Variants in ANP32B observed in about 807,000 individuals in gnomAD.
ANP32B encodes the protein acidic nuclear phosphoprotein 32 family member B.
In ANP32B, 6 loss-of-function variants were observed where a neutral mutation model predicts 32.2. The observed-to-expected ratio is 0.19, with a 90% CI of 0.10 to 0.37. ANP32B has a LOEUF of 0.37. Ranked by LOEUF, ANP32B falls within the 10% of genes least tolerant of loss-of-function variation. The probability of loss-of-function intolerance (pLI) is 1.00; values close to 1 mark genes in which losing one functional copy is unlikely to be tolerated. For synonymous variants in ANP32B, 98 were observed against 105.8 expected, an observed-to-expected ratio of 0.93 and a Z score of 0.45; for missense variants, 204 against 289.2, an observed-to-expected ratio of 0.71 and a Z score of 2.14.
At chr9:98,012,604 C>T (rs1347869498) in intron 6 of ANP32B, 132 bp downstream of exon 6, 36 of 1,320,704 alleles carry the variant, frequency 2.7e-5, no homozygotes, top group East Asian at 7.7e-5. Context: ...TTCACATTCT[C>T]GTTTCTATCG....
chr9:98,002,574 A>G (rs1216202645), intron 3 of ANP32B, among the ~76,000 whole-genome samples: 3 of 152,138 alleles, frequency 2.0e-5, no homozygotes, highest in Non-Finnish European at 4.4e-5. Flanking sequence ...CAATTTTACT[A>G]CTTTCAGCAG....
At chr9:97,996,786 A>G (rs1395266701) in intron 2 of ANP32B, among the ~76,000 whole-genome samples, 2 of 150,682 alleles carry the variant, frequency 1.3e-5, no homozygotes, top group African/African-American at 2.4e-5. Context: ...TTTTGTAGAG[A>G]TGGGGGTTTC....
chr9:98,003,810 A>C (rs1308757265), intron 3 of ANP32B, among the ~76,000 whole-genome samples: 1 of 152,136 alleles, frequency 6.6e-6, no homozygotes, highest in Non-Finnish European at 1.5e-5. Flanking sequence ...CTTCTTAGAG[A>C]ATACCGAAGT....
At chr9:98,001,742 C>T (rs1827996041) in intron 3 of ANP32B, among the ~76,000 whole-genome samples, 1 of 152,068 alleles carries the variant, frequency 6.6e-6, no homozygotes, top group East Asian at 1.9e-4. Context: ...TCTCAGTCCC[C>T]CAGGATAGTG....
rs1361464790 is a variant in ANP32B at position 98,012,574 on chromosome 9, T to G, written c.688+102T>G. On this transcript the variant is annotated intron_variant, in intron 6 of 6. Coordinates refer to ENST00000339399, the MANE Select transcript of ANP32B (RefSeq NM_006401.3). The stretch of plus-strand genomic sequence containing the variant: ...CACTGAGAAGAAAATAAAATACTCT[T>G]GGCTCTGGTGGTTTACACATTCACA... 3.3e-6 allele frequency: 5 copies of G among 1,505,052 alleles called. No individual in the cohort carries two copies. The East Asian group carries it at 1.2e-4, about 36-fold the overall frequency. The allele number at this position is 1,505,052 out of a possible 1,614,324, so 93.2% of individuals were successfully genotyped here.
intron 1 of ANP32B, among the ~76,000 whole-genome samples, chr9:97,985,914 C>G (rs1370875425): frequency 6.6e-6 from 1 of 152,184 alleles, no homozygotes; most frequent in East Asian, 1.9e-4. Flanking sequence ...CTCCGCTTAC[C>G]GGGTTCAAGC....
intron 4 of ANP32B, among the ~76,000 whole-genome samples, chr9:98,008,691 A>G (rs944509209): frequency 6.6e-6 from 1 of 152,228 alleles, no homozygotes; most frequent in African/African-American, 2.4e-5. Flanking sequence ...GGACATAAGC[A>G]GCACACACTT....
At position 97,984,091 on chromosome 9, in the gene ANP32B, C is replaced by T. The variant is rs1261490156; in HGVS notation, c.54+482C>T. 6.7e-5 allele frequency among the ~76,000 whole-genome samples: 10 copies of T among 149,766 alleles called. No individual in the cohort carries two copies. The East Asian group carries it at 1.8e-3, about 27-fold the overall frequency. On this transcript the variant is annotated intron_variant, in intron 1 of 6. Transcript: ENST00000339399. Reference sequence around the variant, plus strand: ...GGGCGCGGGTGGGGCGGGACGGGGGCTCTTGTGGCCGGAGCTCGCCGTGGG... The same window carrying T: ...GGGCGCGGGTGGGGCGGGACGGGGGTTCTTGTGGCCGGAGCTCGCCGTGGG...
chr9:98,010,264 T>G (rs12343826), intron 4 of ANP32B, among the ~76,000 whole-genome samples: 512 of 32,942 alleles, frequency 0.016, 6 homozygotes, highest in East Asian at 0.086. Flanking sequence ...GAAATGGTGT[T>G]TTTTTTTTTT....
At chr9:97,985,816 C>CT (rs1158574714) in intron 1 of ANP32B, among the ~76,000 whole-genome samples, 3 of 152,000 alleles carry the variant, frequency 2.0e-5, no homozygotes, top group African/African-American at 4.8e-5. Flanking sequence ...GTTCATTTTT[C>CT]TTTTTTCTGT....
At chr9:97,989,665 G>A (rs571216685) in intron 1 of ANP32B, among the ~76,000 whole-genome samples, 1 of 152,072 alleles carries the variant, frequency 6.6e-6, no homozygotes, top group East Asian at 1.9e-4. Context: ...ATCTAGATTG[G>A]GAAGCTGTGG....
intron 1 of ANP32B, among the ~76,000 whole-genome samples, chr9:97,984,158 G>A (rs1012465740): frequency 4.0e-5 from 6 of 150,562 alleles, no homozygotes; most frequent in South Asian, 2.1e-4. Context: ...GCGAGGAGGG[G>A]GCTTTTTTCT....
chr9:97,985,159 G>A (rs551250807), intron 1 of ANP32B, among the ~76,000 whole-genome samples: 14 of 151,524 alleles, frequency 9.2e-5, no homozygotes, highest in Non-Finnish European at 1.9e-4. Flanking sequence ...GCGGCCCCGC[G>A]GGGCCTCCCG....
At chr9:97,987,757 G>T (rs1450326627) in intron 1 of ANP32B, 4 of 152,254 alleles carry the variant, frequency 2.6e-5, no homozygotes, top group African/African-American at 9.6e-5. Context: ...AAGTCTTTAC[G>T]TAGTCCCAAT....
intron 6 of ANP32B, 142 bp downstream of exon 6, chr9:98,012,614 G>T: frequency 7.8e-7 from 1 of 1,277,416 alleles, no homozygotes; most frequent in Non-Finnish European, 1.1e-6. Context: ...CGTTTCTATC[G>T]TCCCATCAGT....
chr9:97,984,912 C>G (rs1056319059), intron 1 of ANP32B, among the ~76,000 whole-genome samples: 81 of 151,038 alleles, frequency 5.4e-4, no homozygotes, highest in African/African-American at 1.8e-3. Context: ...CTCCCACGTG[C>G]TTGAGAGCGG....
At chr9:97,997,807 A>G (rs1827929040) in intron 2 of ANP32B, among the ~76,000 whole-genome samples, 1 of 152,252 alleles carries the variant, frequency 6.6e-6, no homozygotes, top group African/African-American at 2.4e-5. Flanking sequence ...AATGCTTTCC[A>G]GGCTCCAATT....
chr9:98,010,831 A>G (rs965275679), intron 4 of ANP32B, among the ~76,000 whole-genome samples: 2 of 127,320 alleles, frequency 1.6e-5, no homozygotes, highest in Non-Finnish European at 3.2e-5. Context: ...ACCCAAGAGA[A>G]GGTACATGAT....
intron 1 of ANP32B, among the ~76,000 whole-genome samples, chr9:97,985,792 G>GTATATCT (rs1006587397): frequency 1.3e-5 from 2 of 152,102 alleles, no homozygotes; most frequent in African/African-American, 4.8e-5. Flanking sequence ...AAAAACACAT[G>GTATATCT]TATATCTACA....
Sources: gnomAD v4.1 joint callset for allele counts (sites outside exome capture counted in the v4.1 genomes callset) on GRCh38, gnomAD v4.1.1 for gene constraint, MANE v1.5 for transcripts, NCBI Gene and HGNC (gene_info 2026-07-23, HGNC 2026-07-21) for gene names.